UNC13C: variants seen among roughly 807,000 people sequenced by gnomAD.
UNC13C encodes protein unc-13 homolog C.
A neutral mutation model predicts 245.4 loss-of-function variants in UNC13C; 174 were observed. The ratio of observed to expected loss-of-function variants is 0.71; its 90% CI spans 0.63 to 0.80. The LOEUF (loss-of-function observed/expected upper bound fraction) is 0.80. Among genes scored for constraint, UNC13C ranks in the 30% least tolerant of loss-of-function variants. The pLI is 0.00. For synonymous variants in UNC13C, 992 were observed against 895.1 expected, an observed-to-expected ratio of 1.11 and a Z score of -1.93; for missense variants, 2,829 against 2,602.9, an observed-to-expected ratio of 1.09 and a Z score of -1.89.
chr15:53,924,125 T>G, the UNC13C span, among the ~76,000 whole-genome samples: 613 of 152,240 alleles, frequency 4.0e-3, 7 homozygotes, highest in Middle Eastern at 6.8e-3. Flanking sequence ...GAGTATCGCT[T>G]GAACCCAGGA....
At chr15:54,214,856 C>G (rs2034990823) in intron 4 of UNC13C, among the ~76,000 whole-genome samples, 1 of 151,920 alleles carries the variant, frequency 6.6e-6, no homozygotes, top group Non-Finnish European at 1.5e-5. Flanking sequence ...TTTACTACAG[C>G]TTTGAACCAC....
chr15:54,478,377 T>G (rs1892898228), intron 19 of UNC13C, among the ~76,000 whole-genome samples: 1 of 121,728 alleles, frequency 8.2e-6, no homozygotes, highest in Admixed American at 7.9e-5. Context: ...TGTTCTTGCT[T>G]TTCTAGTCCT....
At chr15:54,113,086 A>AT (rs35220958) in intron 2 of UNC13C, among the ~76,000 whole-genome samples, 58,241 of 150,974 alleles carry the variant, frequency 0.39, 12,002 homozygotes, top group Non-Finnish European at 0.47. Flanking sequence ...GTTAGGCGAG[A>AT]TTTTTTTTTT....
At chr15:54,267,024 T>C (rs1490709085) in intron 10 of UNC13C, among the ~76,000 whole-genome samples, 1 of 152,108 alleles carries the variant, frequency 6.6e-6, no homozygotes, top group Non-Finnish European at 1.5e-5. Context: ...TTTATTAATA[T>C]ATCACAGTTT....
At chr15:54,441,906 T>C (rs1212866149) in intron 19 of UNC13C, among the ~76,000 whole-genome samples, 1 of 152,070 alleles carries the variant, frequency 6.6e-6, no homozygotes, top group East Asian at 1.9e-4. Context: ...TTATCATCTT[T>C]GTTTAATTTA....
At chr15:53,874,019 C>T in the UNC13C span, among the ~76,000 whole-genome samples, 70 of 151,056 alleles carry the variant, frequency 4.6e-4, no homozygotes, top group East Asian at 0.013. Flanking sequence ...CTCTGTTGCT[C>T]AGGCTGGAGT....
At chr15:54,359,466 G>A (rs1280799348) in intron 17 of UNC13C, among the ~76,000 whole-genome samples, 3 of 151,880 alleles carry the variant, frequency 2.0e-5, no homozygotes, top group Non-Finnish European at 4.4e-5. Flanking sequence ...GAAGCCATCA[G>A]GTCCTGGACT....
chr15:53,990,101 T>C (rs1894317083), intron 1 of UNC13C, among the ~76,000 whole-genome samples: 1 of 152,056 alleles, frequency 6.6e-6, no homozygotes, highest in Non-Finnish European at 1.5e-5. Context: ...GTTTCTCTGC[T>C]GAATCTTGGA....
At chr15:54,288,689 G>T (rs761342198) in intron 10 of UNC13C, among the ~76,000 whole-genome samples, 2 of 151,956 alleles carry the variant, frequency 1.3e-5, no homozygotes, top group Non-Finnish European at 2.9e-5. Context: ...TACTTATAGC[G>T]TCTGCCACCA....
chr15:54,078,568 C>A (rs1039374858), intron 2 of UNC13C, among the ~76,000 whole-genome samples: 1 of 152,068 alleles, frequency 6.6e-6, no homozygotes, highest in Non-Finnish European at 1.5e-5. Flanking sequence ...TTGCATTTCT[C>A]TGATGATTAG....
chr15:54,601,466 G>A (rs1899419073), intron 30 of UNC13C, among the ~76,000 whole-genome samples: 2 of 152,192 alleles, frequency 1.3e-5, no homozygotes, highest in Admixed American at 6.5e-5. Context: ...AGCTTTGGTA[G>A]GATCTGAATA....
Position 54,150,562 on chromosome 15 carries a change from G to A in UNC13C, c.3071+6878G>A, listed in dbSNP as rs548288770. ...TTCTAAAACCCATGAATCAAGAAGT[G>A]GTTGCTGAGCCATTAGCTTCCTGTG... On this transcript the variant is annotated intron_variant, in intron 4 of 32. Coordinates refer to ENST00000260323, the MANE Select transcript of UNC13C (RefSeq NM_001080534.3). Among the ~76,000 whole-genome samples, 6 of 152,318 alleles carry A rather than the reference G, an allele frequency of 3.9e-5. No individual in the cohort carries two copies. The South Asian group carries it at 1.2e-3, about 32-fold the overall frequency.
chr15:54,451,146 T>A lies in UNC13C; in HGVS notation c.4933+36079T>A, dbSNP rs1024908282. On this transcript the variant is annotated intron_variant, in intron 19 of 32. Coordinates refer to ENST00000260323, the MANE Select transcript of UNC13C (RefSeq NM_001080534.3). ...TCCTCTCCTTCTGGGTCACTGAAAA[T>A]TCATATATTTAGTCATTTTATGCTA... Among the ~76,000 whole-genome samples, 26 of 152,088 alleles carry A rather than the reference T, an allele frequency of 1.7e-4. 1 individual carries two copies. The highest frequency in any genetic ancestry group is 1.0e-3 in the Admixed American group (16 of 15,252).
In UNC13C at chr15:54,567,878, G is replaced by A; in HGVS notation, c.6037G>A (p.Ala2013Thr). 1 of 1,598,248 alleles carries A rather than the reference G, an allele frequency of 6.3e-7. No homozygotes were observed. The highest frequency in any genetic ancestry group is 8.5e-7 in the Non-Finnish European group (1 of 1,171,014). The change falls in exon 30 of 33, where the codon GCT becomes ACT. Residue 2013 changes from alanine (A) to threonine (T), a missense_variant. Physicochemically the swap from Ala to Thr is moderately conservative, Grantham distance 58. Transcript: ENST00000260323. ...KSPDLQSLRY[A>T]LSLYTQTTDA... ...CCCAGATCTTCAGTCTCTGAGATAT[G>A]CTCTCAGTCTTTATACCCAAACTAC...
chr15:54,204,240 A>C lies in UNC13C; in HGVS notation c.3072-30790A>C, dbSNP rs370666506. ...ACCAAAATCTCAGAAATCACGAAAG[A>C]ACTTATTCATGTAACCAAACACCAC... is the stretch of plus-strand genomic sequence containing the variant. On this transcript the variant is annotated intron_variant, in intron 4 of 32. Coordinates refer to ENST00000260323, the MANE Select transcript of UNC13C (RefSeq NM_001080534.3). Among the ~76,000 whole-genome samples, 14 of 150,540 alleles carry C rather than the reference A, an allele frequency of 9.3e-5. 1 individual carries two copies. Among genetic ancestry groups the C allele is most frequent in the Admixed American group, 7.4e-4 (11 of 14,942 alleles).
chr15:54,307,262 G>A (rs2037751031), intron 13 of UNC13C, among the ~76,000 whole-genome samples: 1 of 151,856 alleles, frequency 6.6e-6, no homozygotes. Context: ...GTCTGACGAG[G>A]GCCATTTCCT....
At chr15:54,280,533 G>T (rs2036951806) in intron 10 of UNC13C, among the ~76,000 whole-genome samples, 1 of 151,060 alleles carries the variant, frequency 6.6e-6, no homozygotes, top group Non-Finnish European at 1.5e-5. Context: ...TGTGCTCATT[G>T]CAGACGGAAA....
At chr15:54,556,513 C>T (rs950842890) in intron 29 of UNC13C, among the ~76,000 whole-genome samples, 29 of 152,034 alleles carry the variant, frequency 1.9e-4, no homozygotes, top group African/African-American at 7.0e-4. Context: ...AGTTTTGTGA[C>T]ACCTGGAGGC....
chr15:54,592,984 G>A (rs926720302), intron 30 of UNC13C, among the ~76,000 whole-genome samples: 4 of 151,652 alleles, frequency 2.6e-5, no homozygotes, highest in African/African-American at 9.7e-5. Flanking sequence ...CCTTTTAGCA[G>A]TTCTTGTAGT....
Sources: gnomAD v4.1 joint callset for allele counts (sites outside exome capture counted in the v4.1 genomes callset) on GRCh38, gnomAD v4.1.1 for gene constraint, MANE v1.5 for transcripts, NCBI Gene and HGNC (gene_info 2026-07-23, HGNC 2026-07-21) for gene names.